The following MCPH1 variants were observed in gnomAD, a reference collection of about 807,000 sequenced individuals.
The protein encoded by MCPH1 is microcephalin 1.
A neutral mutation model predicts 84.5 loss-of-function variants in MCPH1; 104 were observed. That is an observed-to-expected ratio of 1.23 (90% CI 1.05 to 1.45). The LOEUF (loss-of-function observed/expected upper bound fraction) is 1.45. Ranked by LOEUF, MCPH1 falls within the 40% of genes most tolerant of loss-of-function variation. MCPH1 has a pLI of 0.00. For synonymous variants in MCPH1, 514 were observed against 366.8 expected, an observed-to-expected ratio of 1.40 and a Z score of -4.58; for missense variants, 1,498 against 1,005.7, an observed-to-expected ratio of 1.49 and a Z score of -6.62.
chr8:6,520,215 T>A (rs1017968843), intron 12 of MCPH1, among the ~76,000 whole-genome samples: 2 of 152,220 alleles, frequency 1.3e-5, no homozygotes, highest in African/African-American at 2.4e-5. Flanking sequence ...TTCCATGTAA[T>A]TAAAATACTT....
At chr8:6,641,475 G>A (rs539026121) in intron 13 of MCPH1, among the ~76,000 whole-genome samples, 100 of 152,314 alleles carry the variant, frequency 6.6e-4, no homozygotes, top group African/African-American at 2.4e-3. Flanking sequence ...GGTGTGGTGG[G>A]TTATGTCTAT....
chr8:6,579,807 G>C (rs1031629706), intron 12 of MCPH1, among the ~76,000 whole-genome samples: 2 of 152,282 alleles, frequency 1.3e-5, no homozygotes, highest in Admixed American at 6.5e-5. Context: ...AAGGGAAACT[G>C]AGGCTTTCTC....
chr8:6,455,528 G>C (rs1466022050), intron 9 of MCPH1, among the ~76,000 whole-genome samples: 1 of 152,172 alleles, frequency 6.6e-6, no homozygotes, highest in African/African-American at 2.4e-5. Context: ...GAGAATGTTG[G>C]TTGTGCCAGT....
intron 12 of MCPH1, among the ~76,000 whole-genome samples, chr8:6,540,867 C>A (rs531280534): frequency 6.6e-6 from 1 of 152,234 alleles, no homozygotes; most frequent in Admixed American, 6.5e-5. Flanking sequence ...AGGCGGCCAC[C>A]GCCGCGCTGG....
intron 3 of MCPH1, among the ~76,000 whole-genome samples, chr8:6,416,156 T>A (rs2515440): frequency 1.8e-4 from 27 of 152,344 alleles, no homozygotes; most frequent in African/African-American, 6.5e-4. Context: ...CAAATTTGCT[T>A]AACTTGTTTA....
intron 12 of MCPH1, chr8:6,527,676 C>A: frequency 6.2e-7 from 1 of 1,602,974 alleles, no homozygotes; most frequent in Non-Finnish European, 8.5e-7. Flanking sequence ...TGATTTAATA[C>A]CTAAATGTAA....
In MCPH1 at chr8:6,445,426, C is replaced by A. The variant is rs763817405; in HGVS notation, c.1704C>A (p.Ser568=). Reference sequence around the variant, plus strand: ...GCACACAGAACAAAGGTACCACTTCCAAAATATCAAACTCCTCTGAAGGCG... The same window carrying A: ...GCACACAGAACAAAGGTACCACTTCAAAAATATCAAACTCCTCTGAAGGCG... ...LKSTQNKGTT[S]KISNSSEGEA... is the part of the protein sequence containing the mutation. Residue 568 remains serine (S), a synonymous_variant, in exon 8 of 14, where the codon TCC becomes TCA. Transcript: ENST00000344683. 1 of 1,614,176 alleles carries A rather than the reference C, an allele frequency of 6.2e-7. No homozygotes were observed. Among genetic ancestry groups the A allele is most frequent in the East Asian group, 2.2e-5 (1 of 44,872 alleles).
intron 12 of MCPH1, among the ~76,000 whole-genome samples, chr8:6,544,582 G>C (rs1822201064): frequency 6.6e-6 from 1 of 152,192 alleles, no homozygotes; most frequent in Non-Finnish European, 1.5e-5. Flanking sequence ...TGTCATTCAT[G>C]TATTGGAGGG....
At chr8:6,537,151 A>G (rs1820651174) in intron 12 of MCPH1, among the ~76,000 whole-genome samples, 1 of 152,042 alleles carries the variant, frequency 6.6e-6, no homozygotes, top group Non-Finnish European at 1.5e-5. Context: ...TTCCAATTTC[A>G]CATGCATAGC....
chr8:6,614,922 G>A (rs528130218), intron 12 of MCPH1, among the ~76,000 whole-genome samples: 1 of 151,414 alleles, frequency 6.6e-6, no homozygotes, highest in Admixed American at 6.6e-5. Context: ...GGGTCTTCCT[G>A]ATCTCAACCC....
intron 12 of MCPH1, chr8:6,509,177 T>C (rs1814419541): frequency 2.3e-6 from 3 of 1,327,926 alleles, no homozygotes; most frequent in East Asian, 2.3e-5. Flanking sequence ...TACTCGTTAA[T>C]GGACTAATGC....
At chr8:6,625,602 A>G (rs1831990314) in intron 13 of MCPH1, 1 of 985,296 alleles carries the variant, frequency 1.0e-6, no homozygotes, top group South Asian at 4.7e-5. Flanking sequence ...AAACTGGAAT[A>G]TCAACTGCTT....
rs1376928115 is a variant in MCPH1 at position 6,442,154 on chromosome 8, C to T, written c.668C>T (p.Ser223Leu). ...AACATTTCACGTGATACTTTGTGTTCAGGTAAAATTTTTATTTTCCTTTCT... is the reference window on the plus strand; with the variant it reads ...AACATTTCACGTGATACTTTGTGTTTAGGTAAAATTTTTATTTTCCTTTCT... ...PLNISRDTLCSDEYFAGGLHS... is the reference protein window; with the variant it reads ...PLNISRDTLCLDEYFAGGLHS... Residue 223 changes from serine (S) to leucine (L), a missense_variant and splice_region_variant, in exon 7 of 14, where the codon TCA becomes TTA. By Grantham distance (145) the Ser-to-Leu change is moderately radical. Coordinates refer to ENST00000344683, the MANE Select transcript of MCPH1 (RefSeq NM_024596.5). The T allele has an allele frequency of 1.9e-6, 3 of 1,597,218 alleles. No homozygotes were observed. The highest frequency in any genetic ancestry group is 2.6e-6 in the Non-Finnish European group (3 of 1,164,908).
At chr8:6,538,455 G>C (rs573520322) in intron 12 of MCPH1, among the ~76,000 whole-genome samples, 4 of 152,174 alleles carry the variant, frequency 2.6e-5, no homozygotes, top group Non-Finnish European at 5.9e-5. Flanking sequence ...TTGCAGGTTT[G>C]CCTGAGGATA....
intron 2 of MCPH1, among the ~76,000 whole-genome samples, chr8:6,410,690 A>G (rs963555685): frequency 4.6e-5 from 7 of 152,334 alleles, no homozygotes; most frequent in African/African-American, 1.7e-4. Context: ...GCTAGGAGGC[A>G]GAAGAGTACT....
At chr8:6,520,107 A>C in intron 12 of MCPH1, 1 of 1,213,902 alleles carries the variant, frequency 8.2e-7, no homozygotes. Flanking sequence ...TAAGTAAGCA[A>C]AAGGCTGTAC....
intron 13 of MCPH1, among the ~76,000 whole-genome samples, chr8:6,622,843 T>C (rs930250724): frequency 7.2e-5 from 11 of 152,010 alleles, no homozygotes; most frequent in African/African-American, 2.7e-4. Context: ...TTTTATTTGC[T>C]TTTATTTATT....
chr8:6,534,111 G>A (rs976533985), intron 12 of MCPH1, among the ~76,000 whole-genome samples: 2 of 152,078 alleles, frequency 1.3e-5, no homozygotes, highest in African/African-American at 2.4e-5. Flanking sequence ...GTGGATATTG[G>A]ATGGGTCAGA....
chr8:6,469,730 A>G (rs570102211), intron 9 of MCPH1, among the ~76,000 whole-genome samples: 1 of 152,342 alleles, frequency 6.6e-6, no homozygotes, highest in South Asian at 2.1e-4. Flanking sequence ...TTTATCACTA[A>G]TAAAACGGGT....
Sources: allele counts gnomAD v4.1 joint callset (sites outside exome capture counted in the v4.1 genomes callset), GRCh38; gene constraint gnomAD v4.1.1; transcripts MANE v1.5; gene names NCBI Gene and HGNC (gene_info 2026-07-23, HGNC 2026-07-21).